The following ATF2 variants were observed in gnomAD, a reference collection of about 807,000 sequenced individuals.
ATF2 encodes cyclic AMP-dependent transcription factor ATF-2.
Under a neutral mutation model 60.6 loss-of-function variants are expected in ATF2, and 24 were observed. That is an observed-to-expected ratio of 0.40 (90% CI 0.29 to 0.56). The LOEUF (loss-of-function observed/expected upper bound fraction) is 0.56. Among genes scored for constraint, ATF2 ranks in the 20% least tolerant of loss-of-function variants. ATF2 has a pLI of 0.54. For synonymous variants in ATF2, 206 were observed against 215.4 expected (o/e 0.96, Z 0.38); for missense variants, 433 against 607.7 (o/e 0.71, Z 3.02).
intron 4 of ATF2, among the ~76,000 whole-genome samples, chr2:175,123,097 T>C (rs1574423471): frequency 6.6e-6 from 1 of 152,044 alleles, no homozygotes; most frequent in Non-Finnish European, 1.5e-5. Context: ...CTATAGGCAG[T>C]AGGACCACAA....
At chr2:175,124,668 T>TGC (rs1697198636) in intron 4 of ATF2, among the ~76,000 whole-genome samples, 1 of 151,626 alleles carries the variant, frequency 6.6e-6, no homozygotes, top group African/African-American at 2.4e-5. Flanking sequence ...GTCTCTCTCA[T>TGC]GCACACACAC....
intron 4 of ATF2, among the ~76,000 whole-genome samples, chr2:175,123,276 C>G (rs1457701877): frequency 6.6e-6 from 1 of 152,028 alleles, no homozygotes; most frequent in Non-Finnish European, 1.5e-5. Context: ...ATATTTTATG[C>G]TTTTTCTTTG....
rs188513108 is a variant in ATF2 at position 175,097,747 on chromosome 2, T to G, written c.829-154A>C. On this transcript the variant is annotated intron_variant, in intron 10 of 13. Transcript: ENST00000264110. ...GTATTTTGCTGTTCCTAGTGAATTT[T>G]GAGAAAATAATAATAAAGGCCTTAA... Among the ~76,000 whole-genome samples, 16 of 152,294 alleles carry G rather than the reference T, an allele frequency of 1.1e-4. 3 individuals are homozygous for G. Among genetic ancestry groups the G allele is most frequent in the African/African-American group, 3.8e-4 (16 of 41,570 alleles).
chr2:175,138,128 G>A (rs1698261259), intron 2 of ATF2, among the ~76,000 whole-genome samples: 1 of 152,138 alleles, frequency 6.6e-6, no homozygotes, highest in Non-Finnish European at 1.5e-5. Context: ...AATCTATACT[G>A]GTAGGAAAAT....
intron 11 of ATF2, among the ~76,000 whole-genome samples, chr2:175,094,361 G>A (rs745572082): frequency 1.5e-5 from 2 of 133,792 alleles, no homozygotes; most frequent in African/African-American, 2.8e-5. Flanking sequence ...ACCACTGCAC[G>A]CCAGCCTGGG....
chr2:175,089,644 A>G (rs1321708656), intron 12 of ATF2, among the ~76,000 whole-genome samples: 2 of 152,210 alleles, frequency 1.3e-5, no homozygotes, highest in East Asian at 1.9e-4. Context: ...CCCTGAATCT[A>G]TTATAGGCAT....
At position 175,073,073 on chromosome 2, in the gene ATF2, A is replaced by G. The variant is rs576628391; in HGVS notation, c.*1536T>C. The G allele has an allele frequency of 3.3e-5, 5 of 152,286 alleles. No homozygotes were observed. Among genetic ancestry groups the G allele is most frequent in the East Asian group, 3.9e-4 (2 of 5,190 alleles). 9.4% of individuals were successfully genotyped at this position (152,286 alleles called of 1,614,324 possible). ...TTATAAATGCATTACAGATATTTAC[A>G]TAGTGGAATCCTGCTTGAATGCCAG... On this transcript the variant is annotated 3_prime_UTR_variant, in exon 14 of 14. Transcript: ENST00000264110.
intron 13 of ATF2, among the ~76,000 whole-genome samples, chr2:175,077,126 C>G (rs1693381930): frequency 6.6e-6 from 1 of 152,022 alleles, no homozygotes; most frequent in Non-Finnish European, 1.5e-5. Context: ...AGGACATGAA[C>G]TCATCATTTT....
intron 5 of ATF2, 74 bp downstream of exon 5, chr2:175,121,368 TAC>T: frequency 1.1e-6 from 1 of 937,978 alleles, no homozygotes; most frequent in South Asian, 2.1e-5. Context: ...CTATATTATT[TAC>T]AGAGAATACA....
At chr2:175,127,575 C>A (rs1697422102) in intron 4 of ATF2, among the ~76,000 whole-genome samples, 1 of 152,060 alleles carries the variant, frequency 6.6e-6, no homozygotes, top group South Asian at 2.1e-4. Flanking sequence ...TAGGATATGT[C>A]TTTTTTTCTG....
chr2:175,097,783 T>C (rs1361892522), intron 10 of ATF2, among the ~76,000 whole-genome samples, 190 bp from the exon 11 acceptor site: 1 of 152,142 alleles, frequency 6.6e-6, no homozygotes, highest in African/African-American at 2.4e-5. Flanking sequence ...AAATGTAACA[T>C]CATGTCATTG....
At chr2:175,154,596 T>C (rs368524497) in intron 1 of ATF2, among the ~76,000 whole-genome samples, 2 of 152,354 alleles carry the variant, frequency 1.3e-5, no homozygotes, top group African/African-American at 2.4e-5. Flanking sequence ...TGTGCTATTT[T>C]TTCCTTGTCT....
chr2:175,084,417 T>G (rs951347630), intron 12 of ATF2, among the ~76,000 whole-genome samples: 3 of 143,252 alleles, frequency 2.1e-5, no homozygotes, highest in Non-Finnish European at 4.5e-5. Context: ...CACCACATGT[T>G]CTCACTCATA....
intron 2 of ATF2, among the ~76,000 whole-genome samples, chr2:175,150,723 T>C (rs1220539751): frequency 1.3e-5 from 2 of 152,164 alleles, no homozygotes; most frequent in African/African-American, 4.8e-5. Flanking sequence ...TTAGTTTATA[T>C]TATTATTCTT....
chr2:175,094,403 G>GAAAAAAAAAAAAAAAAAA (rs61440218), intron 11 of ATF2, among the ~76,000 whole-genome samples: 9 of 61,144 alleles, frequency 1.5e-4, no homozygotes, highest in Non-Finnish European at 2.8e-4. Context: ...CAAAAAATAC[G>GAAAAAAAAAAAAAAAAAA]AAAAAAAAAA....
At chr2:175,123,589 T>C (rs917179590) in intron 4 of ATF2, among the ~76,000 whole-genome samples, 4 of 152,076 alleles carry the variant, frequency 2.6e-5, no homozygotes, top group African/African-American at 9.7e-5. Context: ...AATAACATTG[T>C]GTTCGTACAA....
In ATF2 at chr2:175,072,465, G is replaced by T. The variant is rs1048935294; in HGVS notation, c.*2144C>A. The T allele has an allele frequency of 2.6e-5, 4 of 152,098 alleles. No homozygotes were observed. Among genetic ancestry groups the T allele is most frequent in the African/African-American group, 9.7e-5 (4 of 41,450 alleles). 9.4% of individuals were successfully genotyped at this position (152,098 alleles called of 1,614,324 possible). A position where few individuals can be genotyped will look rare whatever the true frequency, so the allele number is the denominator to read the frequency against. On this transcript the variant is annotated 3_prime_UTR_variant, in exon 14 of 14. Coordinates refer to ENST00000264110, the MANE Select transcript of ATF2 (RefSeq NM_001880.4). ...TGCTCAGTACAGACTGATTTACAATGAAAGTTTTGCTAACCTTGGTAAGCT... is the reference window on the plus strand; with the variant it reads ...TGCTCAGTACAGACTGATTTACAATTAAAGTTTTGCTAACCTTGGTAAGCT...
chr2:175,088,007 T>C (rs148814491), intron 12 of ATF2, among the ~76,000 whole-genome samples: 43 of 152,320 alleles, frequency 2.8e-4, no homozygotes, highest in African/African-American at 9.9e-4. Context: ...TTGCACATAA[T>C]AGATGCATAA....
chr2:175,159,022 T>C (rs1458752161), intron 1 of ATF2, among the ~76,000 whole-genome samples: 1 of 152,146 alleles, frequency 6.6e-6, no homozygotes, highest in Non-Finnish European at 1.5e-5. Context: ...GTTTGACTTT[T>C]AGATAAGAGT....
Sources: gnomAD v4.1 joint callset for allele counts (sites outside exome capture counted in the v4.1 genomes callset) on GRCh38, gnomAD v4.1.1 for gene constraint, MANE v1.5 for transcripts, NCBI Gene and HGNC (gene_info 2026-07-23, HGNC 2026-07-21) for gene names.